Variants in GPR158 observed in about 807,000 individuals in gnomAD.
GPR158 encodes the protein G protein-coupled receptor 158.
In GPR158, 30 loss-of-function variants were observed where a neutral mutation model predicts 78.2. That is an observed-to-expected ratio of 0.38 (90% CI 0.29 to 0.52). The LOEUF is 0.52. Ranked by LOEUF, GPR158 falls within the 20% of genes least tolerant of loss-of-function variation. GPR158 has a pLI of 0.83. For synonymous variants in GPR158, 581 were observed against 591.1 expected, an observed-to-expected ratio of 0.98 and a Z score of 0.25; for missense variants, 1,463 against 1,523.5, an observed-to-expected ratio of 0.96 and a Z score of 0.66.
intron 2 of GPR158, among the ~76,000 whole-genome samples, chr10:25,338,614 T>TATTATATATATTATTA (rs1280961764): frequency 6.8e-6 from 1 of 147,410 alleles, no homozygotes; most frequent in Non-Finnish European, 1.5e-5. Context: ...ATATAAAAAA[T>TATTATATATATTATTA]CATATAAATA....
intron 2 of GPR158, among the ~76,000 whole-genome samples, chr10:25,263,825 T>C (rs991675261): frequency 1.3e-5 from 2 of 152,174 alleles, no homozygotes; most frequent in South Asian, 4.1e-4. Flanking sequence ...TAATCCCATC[T>C]ACTCAGGAGG....
rs1350285791 is a variant in GPR158, at chr10:25,600,085, T to C, written c.*811T>C. The C allele has an allele frequency of 6.6e-6, 1 of 152,644 alleles. No individual in the cohort carries two copies. Among genetic ancestry groups the C allele is most frequent in the Non-Finnish European group, 1.5e-5 (1 of 68,042 alleles). The allele number at this position is 152,644 out of a possible 1,614,324, so 9.5% of individuals were successfully genotyped here. ...TTTCACATCATGGTTTGTTATACTG[T>C]CTTAATCAGGGTTTTTTATACAAGT... is the stretch of plus-strand genomic sequence containing the variant. On this transcript the variant is annotated 3_prime_UTR_variant, in exon 11 of 11. Transcript: ENST00000376351.
At chr10:25,564,910 T>G (rs994308111) in intron 6 of GPR158, among the ~76,000 whole-genome samples, 1 of 152,168 alleles carries the variant, frequency 6.6e-6, no homozygotes, top group Admixed American at 6.5e-5. Context: ...TATTCCATCA[T>G]TTTTGAGATT....
chr10:25,326,440 TC>T (rs1454063902), intron 2 of GPR158, among the ~76,000 whole-genome samples: 1 of 152,224 alleles, frequency 6.6e-6, no homozygotes, highest in Non-Finnish European at 1.5e-5. Flanking sequence ...GGATGTTATT[TC>T]CTTGTCAGAT....
chr10:25,451,412 G>A (rs1212780703), intron 4 of GPR158, among the ~76,000 whole-genome samples: 1 of 152,142 alleles, frequency 6.6e-6, no homozygotes, highest in African/African-American at 2.4e-5. Context: ...AATTACTTGT[G>A]AGGAAGACAA....
At chr10:25,195,216 T>A (rs1852828105) in intron 1 of GPR158, among the ~76,000 whole-genome samples, 1 of 151,826 alleles carries the variant, frequency 6.6e-6, no homozygotes, top group Admixed American at 6.6e-5. Flanking sequence ...TTTCTTTCTT[T>A]TTTTTTTGAG....
At chr10:25,239,470 T>A (rs1375107035) in intron 2 of GPR158, among the ~76,000 whole-genome samples, 1 of 152,056 alleles carries the variant, frequency 6.6e-6, no homozygotes, top group Non-Finnish European at 1.5e-5. Context: ...GAGCCGGGCA[T>A]GGTGGCAGGC....
At chr10:25,509,591 A>G (rs924387606) in intron 5 of GPR158, among the ~76,000 whole-genome samples, 3 of 152,214 alleles carry the variant, frequency 2.0e-5, no homozygotes, top group African/African-American at 7.2e-5. Context: ...ACTGAAACAT[A>G]TACACCTATG....
chr10:25,592,273 A>G (rs2130750625), intron 8 of GPR158, among the ~76,000 whole-genome samples: 1 of 152,146 alleles, frequency 6.6e-6, no homozygotes, highest in African/African-American at 2.4e-5. Flanking sequence ...AAATTGCACA[A>G]AAATAAACTA....
intron 2 of GPR158, among the ~76,000 whole-genome samples, chr10:25,260,164 A>G (rs1022052052): frequency 9.2e-5 from 14 of 152,096 alleles, no homozygotes; most frequent in African/African-American, 3.1e-4. Flanking sequence ...TTTGCGATAG[A>G]TTTTTTTGTT....
Position 25,598,573 on chromosome 10 carries a change from C to G in GPR158, c.2947C>G (p.Pro983Ala). ...SGIMKQQRVN[P>A]TTANSDLNPG... ...GATTATGAAACAACAAAGGGTCAAC[C>G]CCACCACTGCCAATTCTGACCTGAA... The change falls in exon 11 of 11, where the codon CCC becomes GCC. Residue 983 changes from proline (P) to alanine (A), a missense_variant. Transcript: ENST00000376351. 3 of 1,613,778 alleles carry G rather than the reference C, an allele frequency of 1.9e-6. No individual in the cohort carries two copies. The highest frequency in any genetic ancestry group is 2.5e-6 in the Non-Finnish European group (3 of 1,179,922).
At position 25,352,895 on chromosome 10, in the gene GPR158, A is replaced by C. The variant is rs542882532; in HGVS notation, c.1009-43016A>C. 3.3e-5 allele frequency among the ~76,000 whole-genome samples: 5 copies of C among 152,190 alleles called. No individual in the cohort carries two copies. In the South Asian group the frequency reaches 1.0e-3, roughly 32 times the overall value. On this transcript the variant is annotated intron_variant, in intron 2 of 10. Transcript: ENST00000376351. ...AGTATTCAGCATGGTCATTTTAACCATATAACACAATTAAATATATGCTCA... is the reference window on the plus strand; with the variant it reads ...AGTATTCAGCATGGTCATTTTAACCCTATAACACAATTAAATATATGCTCA...
chr10:25,506,555 T>G (rs1476031612), intron 5 of GPR158, among the ~76,000 whole-genome samples: 1 of 152,236 alleles, frequency 6.6e-6, no homozygotes, highest in African/African-American at 2.4e-5. Flanking sequence ...TCACAGGCGT[T>G]CTTCATACCA....
intron 2 of GPR158, among the ~76,000 whole-genome samples, chr10:25,293,857 T>C (rs1854474572): frequency 1.3e-5 from 2 of 152,072 alleles, no homozygotes; most frequent in Admixed American, 6.5e-5. Flanking sequence ...GTGATTCTCC[T>C]GCCTCAGCCT....
At chr10:25,291,207 G>T (rs1045476869) in intron 2 of GPR158, among the ~76,000 whole-genome samples, 1 of 151,704 alleles carries the variant, frequency 6.6e-6, no homozygotes, top group Non-Finnish European at 1.5e-5. Context: ...AATAGGAAAA[G>T]AAAGAATTCA....
intron 2 of GPR158, chr10:25,393,977 T>C (rs1257041471): frequency 1.3e-5 from 2 of 152,222 alleles, no homozygotes; most frequent in African/African-American, 4.8e-5. Flanking sequence ...CTAAACTTCA[T>C]ACTAGTTTAT....
intron 2 of GPR158, among the ~76,000 whole-genome samples, chr10:25,252,196 A>T (rs1317717761): frequency 6.6e-6 from 1 of 150,814 alleles, no homozygotes; most frequent in Non-Finnish European, 1.5e-5. Context: ...TGTATTGGTT[A>T]TTCTAGTTAT....
chr10:25,557,726 G>C (rs1836803832), intron 6 of GPR158, among the ~76,000 whole-genome samples: 1 of 152,174 alleles, frequency 6.6e-6, no homozygotes, highest in Non-Finnish European at 1.5e-5. Flanking sequence ...AGAGATTTGG[G>C]AAATATAAGC....
At chr10:25,503,205 CA>C (rs5783937) in intron 5 of GPR158, among the ~76,000 whole-genome samples, 29,540 of 138,230 alleles carry the variant, frequency 0.21, 5,490 homozygotes, top group African/African-American at 0.52. Context: ...GACCTCATTG[CA>C]AAAAAAAAAA....
Sources: gnomAD v4.1 joint callset for allele counts (sites outside exome capture counted in the v4.1 genomes callset) on GRCh38, gnomAD v4.1.1 for gene constraint, MANE v1.5 for transcripts, NCBI Gene and HGNC (gene_info 2026-07-23, HGNC 2026-07-21) for gene names.